FMN1: variants seen among roughly 807,000 people sequenced by gnomAD.
The protein encoded by FMN1 is formin-1.
Under a neutral mutation model 132.4 loss-of-function variants are expected in FMN1, and 110 were observed. That is an observed-to-expected ratio of 0.83 (90% confidence interval 0.71 to 0.97). The LOEUF (loss-of-function observed/expected upper bound fraction) is 0.97. FMN1 is among the 50% of genes least tolerant of loss of function. The pLI, the probability that FMN1 is intolerant of heterozygous loss-of-function variation, is 0.00. For missense variants in FMN1, 1,792 were observed against 1,705.3 expected, an observed-to-expected ratio of 1.05 and a Z score of -0.90; for synonymous variants, 722 against 651.7, an observed-to-expected ratio of 1.11 and a Z score of -1.64.
chr15:33,111,181 A>G (rs1466319169), intron 4 of FMN1, among the ~76,000 whole-genome samples: 8 of 152,188 alleles, frequency 5.3e-5, no homozygotes, highest in Non-Finnish European at 1.0e-4. Context: ...ACTGATTTTT[A>G]AAATGTACAT....
chr15:32,840,661 G>A (rs1001081154), intron 17 of FMN1, among the ~76,000 whole-genome samples: 4 of 152,198 alleles, frequency 2.6e-5, no homozygotes, highest in African/African-American at 9.7e-5. Context: ...ACAGGCAGTC[G>A]TGTGGGTGGG....
Position 32,798,713 on chromosome 15 carries a change from A to C in FMN1, c.4130+91T>G, listed in dbSNP as rs1031799830. 4.4e-6 allele frequency: 5 copies of C among 1,148,224 alleles called. No homozygotes were observed. In the African/African-American group the frequency reaches 7.9e-5, roughly 18 times the overall value. 71.1% of individuals were successfully genotyped at this position (1,148,224 alleles called of 1,614,324 possible). On this transcript the variant is annotated intron_variant, in intron 19 of 20. Coordinates refer to ENST00000616417, the MANE Select transcript of FMN1 (RefSeq NM_001277313.2). ...CCACTTCATCCGAAAGAAAACATCG[A>C]CAGGTGTGAAATAGACACACTTTGA... is the stretch of plus-strand genomic sequence containing the variant.
chr15:33,057,672 G>A (rs1240592016), intron 6 of FMN1, among the ~76,000 whole-genome samples: 1 of 152,084 alleles, frequency 6.6e-6, no homozygotes. Context: ...GACTTTCCCG[G>A]TCCTACTTTC....
intron 17 of FMN1, 102 bp from the exon 18 acceptor site, chr15:32,804,434 ATTCGGGGGGGGGG>A (rs1567194322): frequency 1.1e-5 from 1 of 94,578 alleles, no homozygotes; most frequent in South Asian, 1.4e-4. Context: ...GGAGGTCTGA[ATTCGGGGGGGGGG>A]GGGGGGGGTA....
chr15:32,922,591 T>G (rs538795357), intron 10 of FMN1, among the ~76,000 whole-genome samples: 38 of 152,166 alleles, frequency 2.5e-4, no homozygotes, highest in Non-Finnish European at 5.0e-4. Flanking sequence ...AAGAGAAGAT[T>G]GCTCTTCAAC....
At position 32,926,276 on chromosome 15, in the gene FMN1, A is replaced by G; in HGVS notation, c.3139-15T>C. On this transcript the variant is annotated splice_polypyrimidine_tract_variant and intron_variant, in intron 9 of 20. Coordinates refer to ENST00000616417, the MANE Select transcript of FMN1 (RefSeq NM_001277313.2). ...AATTTGATGATCTAAAATTAGAAAAAAAAAAAAAAGAATACAAGCTCAAAT... is the reference window on the plus strand; with the variant it reads ...AATTTGATGATCTAAAATTAGAAAAGAAAAAAAAAGAATACAAGCTCAAAT... The G allele has an allele frequency of 7.0e-7, 1 of 1,426,592 alleles. No homozygotes were observed. 88.4% of individuals were successfully genotyped at this position (1,426,592 alleles called of 1,614,324 possible).
intron 9 of FMN1, among the ~76,000 whole-genome samples, chr15:32,962,567 G>A (rs1316757693): frequency 6.6e-6 from 1 of 150,956 alleles, no homozygotes; most frequent in Non-Finnish European, 1.5e-5. Flanking sequence ...CCTACAAAAT[G>A]GGAGAAAATT....
intron 5 of FMN1, among the ~76,000 whole-genome samples, chr15:33,069,820 G>A (rs1200607322): frequency 6.6e-6 from 1 of 151,848 alleles, no homozygotes; most frequent in African/African-American, 2.4e-5. Flanking sequence ...ATTAACTGAG[G>A]CACTTAATCA....
chr15:32,782,508 T>C (rs2056697553), intron 19 of FMN1, among the ~76,000 whole-genome samples: 1 of 152,228 alleles, frequency 6.6e-6, no homozygotes, highest in African/African-American at 2.4e-5. Context: ...ACACGTGTCA[T>C]CTTATGTATA....
intron 19 of FMN1, among the ~76,000 whole-genome samples, chr15:32,793,725 G>T (rs142511794): frequency 5.3e-5 from 8 of 152,180 alleles, no homozygotes; most frequent in Middle Eastern, 6.8e-3. Flanking sequence ...TATTATTAAG[G>T]GATTTTTAAA....
chr15:33,111,126 TTGTG>T (rs766410871), intron 4 of FMN1, among the ~76,000 whole-genome samples: 1 of 152,202 alleles, frequency 6.6e-6, no homozygotes, highest in African/African-American at 2.4e-5. Context: ...GATGATTCAT[TTGTG>T]TGTTTTCCAT....
intron 9 of FMN1, among the ~76,000 whole-genome samples, chr15:32,954,310 T>C (rs1445260824): frequency 6.6e-6 from 1 of 152,210 alleles, no homozygotes; most frequent in African/African-American, 2.4e-5. Context: ...TACTGATGGT[T>C]TGAGACAGCT....
At chr15:32,956,499 C>T (rs1219883634) in intron 9 of FMN1, among the ~76,000 whole-genome samples, 2 of 151,944 alleles carry the variant, frequency 1.3e-5, no homozygotes, top group Non-Finnish European at 2.9e-5. Context: ...TCAGTAAATG[C>T]GGCCAGTCAG....
At chr15:32,813,767 T>C (rs942192424) in intron 17 of FMN1, among the ~76,000 whole-genome samples, 2 of 152,146 alleles carry the variant, frequency 1.3e-5, no homozygotes, top group Non-Finnish European at 2.9e-5. Context: ...GTGGAGAAAA[T>C]GGATACCCAA....
At chr15:32,971,661 C>G (rs1382984506) in intron 7 of FMN1, among the ~76,000 whole-genome samples, 2 of 152,132 alleles carry the variant, frequency 1.3e-5, no homozygotes, top group Non-Finnish European at 2.9e-5. Context: ...AACCTTCTTT[C>G]AAGATTAAGA....
intron 6 of FMN1, among the ~76,000 whole-genome samples, chr15:33,036,213 C>T (rs1052365790): frequency 3.9e-5 from 6 of 152,086 alleles, no homozygotes; most frequent in Non-Finnish European, 8.8e-5. Flanking sequence ...AGGGCAGAAC[C>T]GTTTTTCTGC....
chr15:32,840,549 G>C (rs926676822), intron 17 of FMN1, among the ~76,000 whole-genome samples: 6 of 152,214 alleles, frequency 3.9e-5, no homozygotes, highest in Admixed American at 6.5e-5. Flanking sequence ...GAGTAGCTGT[G>C]TGAAAGGCAT....
At chr15:32,810,477 A>G (rs759279108) in intron 17 of FMN1, among the ~76,000 whole-genome samples, 17 of 152,070 alleles carry the variant, frequency 1.1e-4, no homozygotes, top group Non-Finnish European at 2.5e-4. Flanking sequence ...AATAGCATTA[A>G]CCCTCCAGTT....
intron 17 of FMN1, among the ~76,000 whole-genome samples, chr15:32,813,803 C>A (rs1273276834): frequency 6.6e-6 from 1 of 152,202 alleles, no homozygotes; most frequent in Admixed American, 6.5e-5. Context: ...ATTTGGATTA[C>A]ACTAATAGTC....
Sources: allele counts gnomAD v4.1 joint callset (sites outside exome capture counted in the v4.1 genomes callset), GRCh38; gene constraint gnomAD v4.1.1; transcripts MANE v1.5; gene names NCBI Gene and HGNC (gene_info 2026-07-23, HGNC 2026-07-21).